The following IL1RL1 variants were observed in gnomAD, a reference collection of about 807,000 sequenced individuals.
IL1RL1 encodes the protein interleukin 1 receptor like 1, also known as interleukin-1 receptor-like 1.
IL1RL1 carries 32 observed loss-of-function variants against 50.9 expected under a neutral mutation model. The observed-to-expected ratio is 0.63, with a 90% CI of 0.47 to 0.84. IL1RL1 has a LOEUF of 0.84. Ranked by LOEUF, IL1RL1 falls within the 40% of genes least tolerant of loss-of-function variation. IL1RL1 has a pLI of 0.00. For synonymous variants in IL1RL1, 275 were observed against 236.0 expected (o/e 1.17, Z -1.51); for missense variants, 773 against 662.9 (o/e 1.17, Z -1.82).
intron 1 of IL1RL1, among the ~76,000 whole-genome samples, chr2:102,331,385 T>C (rs1677174567): frequency 6.6e-6 from 1 of 152,234 alleles, no homozygotes; most frequent in Non-Finnish European, 1.5e-5. Flanking sequence ...GGAATTAGTA[T>C]GTGAGAAATT....
chr2:102,338,904 T>C lies in IL1RL1; in HGVS notation c.129T>C (p.Ser43=), dbSNP rs1295125741. The change falls in exon 3 of 11, where the codon AGT becomes AGC. Residue 43 remains serine, a synonymous_variant. Coordinates refer to ENST00000233954, the MANE Select transcript of IL1RL1 (RefSeq NM_016232.5). ...IVRCPRQGKP[S]YTVDWYYSQT... The stretch of plus-strand genomic sequence containing the variant: ...GATGTCCTAGACAAGGAAAACCTAG[T>C]TACACCGTGGATTGGTATTACTCAC... 1.2e-6 allele frequency: 2 copies of C among 1,613,728 alleles called. No individual in the cohort carries two copies. Among genetic ancestry groups the C allele is most frequent in the African/African-American group, 2.7e-5 (2 of 74,904 alleles).
intron 1 of IL1RL1, among the ~76,000 whole-genome samples, chr2:102,318,416 AT>A (rs1676741776): frequency 6.7e-6 from 1 of 148,318 alleles, no homozygotes; most frequent in Non-Finnish European, 1.5e-5. Flanking sequence ...TGAAGTTGCC[AT>A]CAACCAAGAT....
chr2:102,335,115 T>C (rs921711346), intron 1 of IL1RL1, among the ~76,000 whole-genome samples: 2 of 152,188 alleles, frequency 1.3e-5, no homozygotes, highest in Non-Finnish European at 2.9e-5. Flanking sequence ...TCTGATTAAG[T>C]TGGCAGAAAT....
intron 3 of IL1RL1, 148 bp from the exon 4 acceptor site, chr2:102,339,950 T>C: frequency 2.2e-6 from 1 of 445,490 alleles, no homozygotes; most frequent in East Asian, 3.6e-5. Flanking sequence ...AACTCTAGAT[T>C]TTAATGTTTA....
chr2:102,333,473 T>C (rs1413214868), intron 1 of IL1RL1, among the ~76,000 whole-genome samples: 1 of 152,222 alleles, frequency 6.6e-6, no homozygotes, highest in Non-Finnish European at 1.5e-5. Flanking sequence ...TGGGAGATGC[T>C]GAATTTTCTT....
chr2:102,315,609 G>A (rs1156816391), intron 1 of IL1RL1, among the ~76,000 whole-genome samples: 2 of 152,106 alleles, frequency 1.3e-5, no homozygotes, highest in African/African-American at 4.8e-5. Flanking sequence ...CTGATTTGGG[G>A]TTGTAATGTG....
At chr2:102,352,114 A>T, downstream of IL1RL1, 1 of 526,366 alleles carries the variant, frequency 1.9e-6, no homozygotes, top group Non-Finnish European at 3.3e-6. Flanking sequence ...TTTCTCCTCA[A>T]TCCTCCACCA....
intron 1 of IL1RL1, among the ~76,000 whole-genome samples, chr2:102,328,513 A>G (rs1370845885): frequency 6.6e-6 from 1 of 152,206 alleles, no homozygotes; most frequent in Non-Finnish European, 1.5e-5. Flanking sequence ...CAGGGCAATC[A>G]GGCAGGAGAA....
rs111626513 is a variant in IL1RL1 at position 102,340,596 on chromosome 2, A to T, written c.448-70A>T. 21 of 1,501,498 alleles carry T rather than the reference A, an allele frequency of 1.4e-5. No individual in the cohort carries two copies. The South Asian group carries it at 2.4e-4, about 17-fold the overall frequency. The allele number at this position is 1,501,498 out of a possible 1,614,324, so 93.0% of individuals were successfully genotyped here. Reference sequence around the variant, plus strand: ...CCACTCACTCCAGCCTAGGCAACAAACATTCTGTCAACAGATAAATAAATA... The same window carrying T: ...CCACTCACTCCAGCCTAGGCAACAATCATTCTGTCAACAGATAAATAAATA... On this transcript the variant is annotated intron_variant, in intron 4 of 10. Coordinates refer to ENST00000233954, the MANE Select transcript of IL1RL1 (RefSeq NM_016232.5).
Position 102,351,656 on chromosome 2 carries a change from C to T in IL1RL1, c.1406C>T (p.Ala469Val), listed in dbSNP as rs1573166196. ...GAGCAGGAGGTTGCCCTGCACTGTG[C>T]CCTCATCCAGAACGACGCCAAGGTG... ...AYEQEVALHCALIQNDAKVIL... is the reference protein window; with the variant it reads ...AYEQEVALHCVLIQNDAKVIL... Residue 469 changes from alanine (A) to valine (V), a missense_variant, in exon 11 of 11, where the codon GCC becomes GTC. Transcript: ENST00000233954. The T allele has an allele frequency of 1.9e-6, 3 of 1,614,110 alleles. No individual in the cohort carries two copies. Among genetic ancestry groups the T allele is most frequent in the African/African-American group, 2.7e-5 (2 of 75,012 alleles).
chr2:102,326,287 C>T (rs1360489739), intron 1 of IL1RL1, among the ~76,000 whole-genome samples: 6 of 152,142 alleles, frequency 3.9e-5, no homozygotes, highest in Admixed American at 1.3e-4. Context: ...AAATACTTTA[C>T]AGACAAGCAA....
intron 8 of IL1RL1, chr2:102,346,175 A>C: frequency 6.9e-6 from 3 of 437,880 alleles, no homozygotes; most frequent in Non-Finnish European, 9.1e-6. Flanking sequence ...CAAAAACTTG[A>C]AAGGCCTATG....
rs147175454 is a variant in IL1RL1, at chr2:102,317,589, C to A, written c.-150+5966C>A. ...TTGTGATATTTTTTTCACGTGAGAA[C>A]AAACTCAATATGTCAATTACTTCAT... On this transcript the variant is annotated intron_variant, in intron 1 of 10. Transcript: ENST00000233954. 1.2e-3 allele frequency among the ~76,000 whole-genome samples: 179 copies of A among 151,978 alleles called. 1 individual carries two copies. The highest frequency in any genetic ancestry group is 4.1e-3 in the African/African-American group (171 of 41,440).
chr2:102,331,924 T>TGGGCATG lies in IL1RL1; in HGVS notation c.-149-6190_-149-6184dup, dbSNP rs144025869. On this transcript the variant is annotated intron_variant, in intron 1 of 10. Coordinates refer to ENST00000233954, the MANE Select transcript of IL1RL1 (RefSeq NM_016232.5). Reference sequence around the variant, plus strand: ...CTCTACGAAAAATACAAAAATTAGCTGGGCATGGTGATGTGTGCATGTAGT... The same window carrying TGGGCATG: ...CTCTACGAAAAATACAAAAATTAGCTGGGCATGGGGCATGGTGATGTGTGCATGTAGT... Among the ~76,000 whole-genome samples, 828 of 152,096 alleles carry TGGGCATG rather than the reference T, an allele frequency of 5.4e-3. 16 individuals carry two copies. The highest frequency in any genetic ancestry group is 0.019 in the African/African-American group (795 of 41,506).
chr2:102,345,245 G>T, intron 8 of IL1RL1: 4 of 985,396 alleles, frequency 4.1e-6, no homozygotes, highest in Non-Finnish European at 4.8e-6. Flanking sequence ...CACTCCCTTG[G>T]TGTGTCTCTG....
chr2:102,349,612 G>A (rs549280790), intron 10 of IL1RL1, among the ~76,000 whole-genome samples: 1 of 152,268 alleles, frequency 6.6e-6, no homozygotes, highest in East Asian at 1.9e-4. Flanking sequence ...GATGAGTTTT[G>A]TTCTGGTAGC....
Position 102,351,963 on chromosome 2 carries a change from C to T in IL1RL1, c.*42C>T. 1 of 1,550,718 alleles carries T rather than the reference C, an allele frequency of 6.4e-7. No individual in the cohort carries two copies. Among genetic ancestry groups the T allele is most frequent in the East Asian group, 2.2e-5 (1 of 44,566 alleles). On this transcript the variant is annotated 3_prime_UTR_variant, in exon 11 of 11. Transcript: ENST00000233954. Reference sequence around the variant, plus strand: ...CAAAGGCATCTGAGTTTGAAGCTTTCCTGACTTCTCCTAGCTGGCTTATGC... The same window carrying T: ...CAAAGGCATCTGAGTTTGAAGCTTTTCTGACTTCTCCTAGCTGGCTTATGC...
Position 102,338,100 on chromosome 2 carries a change from C to A in IL1RL1, c.-149-16C>A, listed in dbSNP as rs1677395378. On this transcript the variant is annotated splice_polypyrimidine_tract_variant and intron_variant, in intron 1 of 10. Transcript: ENST00000233954. ...ATAAAAATTCTGTTTATGGTTTTGT[C>A]TAACTTATTTTTCAGTTGAGATATA... The A allele has an allele frequency of 6.7e-6, 3 of 445,338 alleles. No individual in the cohort carries two copies. The highest frequency in any genetic ancestry group is 1.2e-5 in the Non-Finnish European group (3 of 243,430). The allele number at this position is 445,338 out of a possible 1,614,324, so 27.6% of individuals were successfully genotyped here.
intron 1 of IL1RL1, among the ~76,000 whole-genome samples, chr2:102,325,820 C>T (rs551349873): frequency 6.0e-4 from 92 of 152,208 alleles, no homozygotes; most frequent in African/African-American, 9.4e-4. Flanking sequence ...TAAAAGGAAA[C>T]GAACAAAGTC....
Sources: gnomAD v4.1 joint callset for allele counts (sites outside exome capture counted in the v4.1 genomes callset) on GRCh38, gnomAD v4.1.1 for gene constraint, MANE v1.5 for transcripts, NCBI Gene and HGNC (gene_info 2026-07-23, HGNC 2026-07-21) for gene names.